Variants in MPP7 observed in about 807,000 individuals in gnomAD.
MPP7 encodes the protein MAGUK p55 scaffold protein 7, also known as MAGUK p55 subfamily member 7.
In MPP7, 60 loss-of-function variants were observed where a neutral mutation model predicts 76.5. The ratio of observed to expected loss-of-function variants is 0.78; its 90% confidence interval spans 0.64 to 0.97. The LOEUF (loss-of-function observed/expected upper bound fraction) is 0.97, where lower values mean the gene tolerates loss of function less well. Among genes scored for constraint, MPP7 ranks in the 50% least tolerant of loss-of-function variants. MPP7 has a pLI of 0.00. For synonymous variants in MPP7, 237 were observed against 244.5 expected (o/e 0.97, Z 0.29); for missense variants, 641 against 694.0 (o/e 0.92, Z 0.86).
intron 2 of MPP7, among the ~76,000 whole-genome samples, chr10:28,205,666 C>A (rs919072383): frequency 6.6e-6 from 1 of 152,082 alleles, no homozygotes; most frequent in Non-Finnish European, 1.5e-5. Flanking sequence ...ACAGACAGGT[C>A]TATTCGTAAG....
chr10:28,226,448 T>C (rs998619250), intron 2 of MPP7, among the ~76,000 whole-genome samples: 1 of 152,158 alleles, frequency 6.6e-6, no homozygotes, highest in Non-Finnish European at 1.5e-5. Flanking sequence ...GGTTTCACCA[T>C]GTTGCCCAGG....
At chr10:28,069,226 T>C (rs1852112526) in intron 13 of MPP7, among the ~76,000 whole-genome samples, 1 of 152,228 alleles carries the variant, frequency 6.6e-6, no homozygotes, top group Non-Finnish European at 1.5e-5. Flanking sequence ...TGTAATTGAA[T>C]TGTTTGTAAC....
chr10:28,085,959 A>G (rs1012690854), intron 12 of MPP7, among the ~76,000 whole-genome samples: 3 of 152,256 alleles, frequency 2.0e-5, no homozygotes, highest in African/African-American at 4.8e-5. Context: ...CTATGCAGCC[A>G]TAAAAAAGGA....
chr10:28,296,683 T>A (rs1036743843), intron 1 of MPP7, among the ~76,000 whole-genome samples: 1 of 152,206 alleles, frequency 6.6e-6, no homozygotes, highest in South Asian at 2.1e-4. Flanking sequence ...AATGGTCTCC[T>A]CTCTTTCATA....
chr10:28,197,478 C>T lies in MPP7; in HGVS notation c.156+4675G>A, dbSNP rs148902212. On this transcript the variant is annotated intron_variant, in intron 3 of 16. Transcript: ENST00000683449. Reference sequence around the variant, plus strand: ...GATTACAGGCATGAGCCACCACACCCAGCCTAACCTGAGCAACTCCTATAC... The same window carrying T: ...GATTACAGGCATGAGCCACCACACCTAGCCTAACCTGAGCAACTCCTATAC... Among the ~76,000 whole-genome samples, 622 of 152,120 alleles carry T rather than the reference C, an allele frequency of 4.1e-3. 4 individuals carry two copies. The highest frequency in any genetic ancestry group is 0.014 in the African/African-American group (602 of 41,528).
chr10:28,293,802 G>T lies in MPP7; in HGVS notation c.-132+9059C>A, dbSNP rs373283170. On this transcript the variant is annotated intron_variant, in intron 1 of 16. Coordinates refer to ENST00000683449, the MANE Select transcript of MPP7 (RefSeq NM_001318170.2). ...AAGATCAAGCCCTTACCCTCATAGGGTTTATGTCCTAGTGAAGGAAACAAT... is the reference window on the plus strand; with the variant it reads ...AAGATCAAGCCCTTACCCTCATAGGTTTTATGTCCTAGTGAAGGAAACAAT... Among the ~76,000 whole-genome samples, 40 of 152,314 alleles carry T rather than the reference G, an allele frequency of 2.6e-4. No individual in the cohort carries two copies. In the South Asian group the frequency reaches 7.9e-3, roughly 30 times the overall value.
intron 13 of MPP7, among the ~76,000 whole-genome samples, chr10:28,064,275 T>A (rs1851906041): frequency 6.6e-6 from 1 of 152,184 alleles, no homozygotes; most frequent in South Asian, 2.1e-4. Context: ...TGAAAAAGAA[T>A]GAATTATTGA....
intron 1 of MPP7, among the ~76,000 whole-genome samples, chr10:28,288,685 A>C (rs1343394458): frequency 6.6e-6 from 1 of 152,222 alleles, no homozygotes; most frequent in Non-Finnish European, 1.5e-5. Context: ...AGCGGTACTG[A>C]AACAAGTCTG....
chr10:28,178,805 T>C (rs1316187799), intron 3 of MPP7, among the ~76,000 whole-genome samples: 1 of 152,282 alleles, frequency 6.6e-6, no homozygotes, highest in South Asian at 2.1e-4. Context: ...AAAGATTCTA[T>C]AGTGTATCCA....
intron 2 of MPP7, among the ~76,000 whole-genome samples, chr10:28,220,882 GC>G (rs1221781507): frequency 6.6e-6 from 1 of 152,158 alleles, no homozygotes. Flanking sequence ...CCCTTAATAA[GC>G]AGTAGCTTCT....
At chr10:28,127,917 G>GGAAGGAACAGAAGACACAGCCA (rs1835071013) in intron 6 of MPP7, among the ~76,000 whole-genome samples, 1 of 152,214 alleles carries the variant, frequency 6.6e-6, no homozygotes. Flanking sequence ...TTAGCCAATG[G>GGAAGGAACAGAAGACACAGCCA]GAAGGAACAG....
chr10:28,120,635 T>C lies in MPP7; in HGVS notation c.649A>G (p.Ile217Val). Residue 217 changes from isoleucine (I) to valine (V), a missense_variant, in exon 9 of 17, where the codon ATA (isoleucine) becomes GTA (valine). Coordinates refer to ENST00000683449, the MANE Select transcript of MPP7 (RefSeq NM_001318170.2). ...GGTGTCTCCTCTTTGCTGCCGGGTA[T>C]AATCTTAAATGTAATTGCTCCCTGA... is the stretch of plus-strand genomic sequence containing the variant. Reference protein sequence around the residue: ...QSQGAITFKIIPGSKEETPSK... With the variant: ...QSQGAITFKIVPGSKEETPSK... The C allele has an allele frequency of 6.2e-7, 1 of 1,613,842 alleles. No homozygotes were observed. The highest frequency in any genetic ancestry group is 2.2e-5 in the East Asian group (1 of 44,814).
At chr10:28,252,522 T>G (rs1336835631) in intron 1 of MPP7, among the ~76,000 whole-genome samples, 2 of 152,240 alleles carry the variant, frequency 1.3e-5, no homozygotes, top group African/African-American at 4.8e-5. Context: ...AAGCCTGGGT[T>G]GTAATATGAG....
chr10:28,178,451 A>AG (rs1836947667), intron 3 of MPP7, among the ~76,000 whole-genome samples: 1 of 151,746 alleles, frequency 6.6e-6, no homozygotes, highest in Non-Finnish European at 1.5e-5. Context: ...CAGGCAAAAC[A>AG]GGAAAAAAAA....
Position 28,056,560 on chromosome 10 carries a change from T to C in MPP7, c.1471A>G (p.Ile491Val), listed in dbSNP as rs760774165. Reference protein sequence around the residue: ...PYVIFIKPPSIERLRETRKNA... With the variant: ...PYVIFIKPPSVERLRETRKNA... ...TTTCTTGTTTCTCTCAAACGCTCTATTGATGGAGGCTTTATAAATATCACA... is the reference window on the plus strand; with the variant it reads ...TTTCTTGTTTCTCTCAAACGCTCTACTGATGGAGGCTTTATAAATATCACA... The change falls in exon 16 of 17, where the codon ATA becomes GTA. Residue 491 changes from isoleucine to valine, a missense_variant. Physicochemically the swap from Ile to Val is conservative, Grantham distance 29 (BLOSUM62 3). Transcript: ENST00000683449. 2.5e-6 allele frequency: 4 copies of C among 1,612,426 alleles called. No individual in the cohort carries two copies. Among genetic ancestry groups the C allele is most frequent in the Non-Finnish European group, 3.4e-6 (4 of 1,179,674 alleles).
chr10:28,084,407 G>C (rs1223865430), intron 12 of MPP7, among the ~76,000 whole-genome samples: 9 of 152,196 alleles, frequency 5.9e-5, no homozygotes, highest in Non-Finnish European at 5.9e-5. Flanking sequence ...TAGGGGAAAA[G>C]CAAAATGTAC....
chr10:28,141,762 GT>G (rs199905520), intron 5 of MPP7, among the ~76,000 whole-genome samples: 4 of 151,246 alleles, frequency 2.6e-5, no homozygotes, highest in East Asian at 1.9e-4. Flanking sequence ...CATCCCAATG[GT>G]TTTTTTTTAT....
At chr10:28,329,561 A>G (rs746760885) in intron 2 of MPP7, among the ~76,000 whole-genome samples, 2 of 147,928 alleles carry the variant, frequency 1.4e-5, no homozygotes, top group Non-Finnish European at 3.0e-5. Flanking sequence ...CCCAGGAGGC[A>G]GAGCTTGCAG....
At chr10:28,139,542 C>A (rs967782466) in intron 5 of MPP7, among the ~76,000 whole-genome samples, 1 of 152,122 alleles carries the variant, frequency 6.6e-6, no homozygotes, top group African/African-American at 2.4e-5. Context: ...AACACACACA[C>A]ACAAACATCT....
Sources: gnomAD v4.1 joint callset for allele counts (sites outside exome capture counted in the v4.1 genomes callset) on GRCh38, gnomAD v4.1.1 for gene constraint, MANE v1.5 for transcripts, NCBI Gene and HGNC (gene_info 2026-07-23, HGNC 2026-07-21) for gene names.